Variants in RASGRF1 observed in about 807,000 individuals in gnomAD.
RASGRF1 encodes ras-specific guanine nucleotide-releasing factor 1.
A neutral mutation model predicts 138.7 loss-of-function variants in RASGRF1; 40 were observed. The observed-to-expected ratio is 0.29, with a 90% CI of 0.22 to 0.38. The LOEUF (loss-of-function observed/expected upper bound fraction) is 0.38. Ranked by LOEUF, RASGRF1 falls within the 10% of genes least tolerant of loss-of-function variation. The pLI is 1.00. For synonymous variants in RASGRF1, 614 were observed against 663.2 expected, an observed-to-expected ratio of 0.93 and a Z score of 1.14; for missense variants, 1,108 against 1,650.4, an observed-to-expected ratio of 0.67 and a Z score of 5.69.
chr15:78,998,327 G>A lies in RASGRF1; in HGVS notation c.2854-119C>T, dbSNP rs1371082732. The A allele has an allele frequency of 4.8e-6, 4 of 833,128 alleles. No individual in the cohort carries two copies. In the Admixed American group the frequency reaches 7.2e-5, roughly 15 times the overall value. 51.6% of individuals were successfully genotyped at this position (833,128 alleles called of 1,614,324 possible). ...TATTCTGCCCAGGGCAGGCTGACCT[G>A]CCTCATTTCCTTTCTGTTGGCTTCC... On this transcript the variant is annotated intron_variant, in intron 18 of 26. Coordinates refer to ENST00000558480, the MANE Select transcript of RASGRF1 (RefSeq NM_001145648.3).
Position 79,003,738 on chromosome 15 carries a change from G to A in RASGRF1, c.2449+64C>T, listed in dbSNP as rs8029264. On this transcript the variant is annotated intron_variant, in intron 15 of 26. Transcript: ENST00000558480. Reference sequence around the variant, plus strand: ...GAAGAGCAGCCCTGAGGCCTTGCTGGGCCAGGCTGAGCCTCAGTGGGGCTG... The same window carrying A: ...GAAGAGCAGCCCTGAGGCCTTGCTGAGCCAGGCTGAGCCTCAGTGGGGCTG... 5,818 of 1,523,376 alleles carry A rather than the reference G, an allele frequency of 3.8e-3. 150 individuals are homozygous for A. In the African/African-American group the frequency reaches 0.061, roughly 16 times the overall value. 94.4% of individuals were successfully genotyped at this position (1,523,376 alleles called of 1,614,324 possible). A position where few individuals can be genotyped will look rare whatever the true frequency, so the allele number is the denominator to read the frequency against.
In RASGRF1 at chr15:79,005,573, G is replaced by A. The variant is rs778036538; in HGVS notation, c.2075+613C>T. 6 of 986,268 alleles carry A rather than the reference G, an allele frequency of 6.1e-6. No individual in the cohort carries two copies. The South Asian group carries it at 1.9e-4, about 31-fold the overall frequency. 61.1% of individuals were successfully genotyped at this position (986,268 alleles called of 1,614,324 possible). ...CCTACTGCTGGACAGCCTTGGCCAAGTCCTTCATTGCCCCATGACTTTTGA... is the reference window on the plus strand; with the variant it reads ...CCTACTGCTGGACAGCCTTGGCCAAATCCTTCATTGCCCCATGACTTTTGA... On this transcript the variant is annotated intron_variant, in intron 14 of 26. Transcript: ENST00000558480.
In RASGRF1 at chr15:79,058,456, C is replaced by T. The variant is rs150686548; in HGVS notation, c.409G>A (p.Glu137Lys). 1 of 1,614,206 alleles carries T rather than the reference C, an allele frequency of 6.2e-7. No homozygotes were observed. Among genetic ancestry groups the T allele is most frequent in the Non-Finnish European group, 8.5e-7 (1 of 1,180,030 alleles). Residue 137 changes from glutamate (E) to lysine (K), a missense_variant, in exon 3 of 27, where the codon GAG becomes AAG. By Grantham distance (56) the Glu-to-Lys change is moderately conservative. Transcript: ENST00000558480. ...ASYRTLATEH[E>K]ALMQKYLHLL... ...TGCAGGTATTTCTGCATTAATGCCT[C>T]ATGCTCTGTGGCGAGGGTCCTGTAG...
intron 26 of RASGRF1, among the ~76,000 whole-genome samples, chr15:78,967,241 TCAAA>T (rs1030127222): frequency 1.3e-5 from 2 of 151,952 alleles, no homozygotes; most frequent in Non-Finnish European, 2.9e-5. Context: ...AGACCCTGCC[TCAAA>T]CAAACAAACA....
intron 26 of RASGRF1, among the ~76,000 whole-genome samples, chr15:78,971,000 C>G (rs981603518): frequency 8.5e-5 from 13 of 152,148 alleles, no homozygotes; most frequent in Admixed American, 5.9e-4. Flanking sequence ...AGGCCTGATG[C>G]TACTCTCTGC....
chr15:79,016,500 C>A (rs1475590754), intron 12 of RASGRF1, among the ~76,000 whole-genome samples: 1 of 152,228 alleles, frequency 6.6e-6, no homozygotes, highest in African/African-American at 2.4e-5. Context: ...GGACTCCCAC[C>A]TTGACCCCTT....
chr15:78,964,031 C>A (rs1174646866), intron 26 of RASGRF1, among the ~76,000 whole-genome samples: 2 of 152,060 alleles, frequency 1.3e-5, no homozygotes, highest in African/African-American at 4.8e-5. Flanking sequence ...GTCATGTTGG[C>A]CAGGCTGGTG....
intron 24 of RASGRF1, among the ~76,000 whole-genome samples, chr15:78,974,524 G>A (rs557080441): frequency 1.3e-5 from 2 of 152,188 alleles, no homozygotes; most frequent in Non-Finnish European, 2.9e-5. Context: ...CATGTATAAA[G>A]CAATGATAGC....
Position 79,032,903 on chromosome 15 carries a change from C to A in RASGRF1, c.959-587G>T, listed in dbSNP as rs1433706848. ...CCCCAAGAGGCCACCCTCCCTCCTG[C>A]AGTCTCCGTCCTGAGACAGAAGTGG... On this transcript the variant is annotated intron_variant, in intron 6 of 26. Transcript: ENST00000558480. The surrounding 1 kb of genome is among the most constrained non-coding windows in gnomAD (Gnocchi z 4.5). 6.6e-6 allele frequency among the ~76,000 whole-genome samples: 1 copy of A among 152,198 alleles called. No homozygotes were observed. Among genetic ancestry groups the A allele is most frequent in the African/African-American group, 2.4e-5 (1 of 41,446 alleles).
chr15:78,990,074 G>T, intron 22 of RASGRF1, 115 bp downstream of exon 22: 1 of 879,932 alleles, frequency 1.1e-6, no homozygotes, highest in South Asian at 1.3e-5. Context: ...GGCAGGGCTG[G>T]AGAGGACCCA....
intron 24 of RASGRF1, chr15:78,979,018 G>C: frequency 2.3e-6 from 3 of 1,293,878 alleles, no homozygotes; most frequent in Non-Finnish European, 3.0e-6. Flanking sequence ...AGGCAGCGGT[G>C]GTGGCGGCGG....
intron 23 of RASGRF1, among the ~76,000 whole-genome samples, chr15:78,982,098 T>C (rs1391250056): frequency 6.6e-6 from 1 of 152,204 alleles, no homozygotes; most frequent in Non-Finnish European, 1.5e-5. Flanking sequence ...TCACCACTCC[T>C]CTTGCCTTTA....
chr15:78,980,108 G>A (rs28651192), intron 24 of RASGRF1: 2,359 of 152,632 alleles, frequency 0.015, 27 homozygotes, highest in Middle Eastern at 0.024. Context: ...ATGGCGTTAA[G>A]CGCACAATGT....
At chr15:79,003,619 C>T (rs1012568204) in intron 15 of RASGRF1, among the ~76,000 whole-genome samples, 183 bp downstream of exon 15, 3 of 152,264 alleles carry the variant, frequency 2.0e-5, no homozygotes, top group East Asian at 3.8e-4. Flanking sequence ...CTCCCACATA[C>T]GGCTACCTCT....
At position 79,017,692 on chromosome 15, in the gene RASGRF1, A is replaced by G. The variant is rs1005783204; in HGVS notation, c.1743+78T>C. 6.8e-6 allele frequency: 10 copies of G among 1,469,902 alleles called. No individual in the cohort carries two copies. In the African/African-American group the frequency reaches 1.4e-4, roughly 21 times the overall value. The allele number at this position is 1,469,902 out of a possible 1,614,324, so 91.1% of individuals were successfully genotyped here. On this transcript the variant is annotated intron_variant, in intron 12 of 26. Transcript: ENST00000558480. ...AGCTACTCCACCACCCCCACCCCCT[A>G]CCTGCCACCAGCCAAATCCCTGACC...
chr15:79,050,633 A>T lies in RASGRF1; in HGVS notation c.532-1045T>A, dbSNP rs1239452925. Among the ~76,000 whole-genome samples, 1 of 152,200 alleles carries T rather than the reference A, an allele frequency of 6.6e-6. No individual in the cohort carries two copies. Among genetic ancestry groups the T allele is most frequent in the Non-Finnish European group, 1.5e-5 (1 of 68,026 alleles). ...AGCTGCTCTAAACATCTCCATTTGCATAATTTGGGGATCACAGATGTCGAC... is the reference window on the plus strand; with the variant it reads ...AGCTGCTCTAAACATCTCCATTTGCTTAATTTGGGGATCACAGATGTCGAC... On this transcript the variant is annotated intron_variant, in intron 3 of 26. Transcript: ENST00000558480. The surrounding 1 kb of genome is among the most constrained non-coding windows in gnomAD (Gnocchi z 4.1).
In RASGRF1 at chr15:78,959,988, A is replaced by T. The variant is rs981806884; in HGVS notation, c.*2156T>A. ...ATTTAATTCTACTCTGTAATGAGATACCATTTTCATCCCCATTTTTCAGAT... is the reference window on the plus strand; with the variant it reads ...ATTTAATTCTACTCTGTAATGAGATTCCATTTTCATCCCCATTTTTCAGAT... On this transcript the variant is annotated 3_prime_UTR_variant, in exon 27 of 27. Coordinates refer to ENST00000558480, the MANE Select transcript of RASGRF1 (RefSeq NM_001145648.3). The T allele has an allele frequency of 6.6e-5, 10 of 152,210 alleles. No individual in the cohort carries two copies. The highest frequency in any genetic ancestry group is 2.2e-4 in the African/African-American group (9 of 41,446). The allele number at this position is 152,210 out of a possible 1,614,324, so 9.4% of individuals were successfully genotyped here.
In RASGRF1 at chr15:78,985,138, C is replaced by G; in HGVS notation, c.3283G>C (p.Glu1095Gln). 6.2e-7 allele frequency: 1 copy of G among 1,613,390 alleles called. No homozygotes were observed. The highest frequency in any genetic ancestry group is 8.5e-7 in the Non-Finnish European group (1 of 1,179,300). Residue 1095 changes from glutamate (E) to glutamine (Q), a missense_variant, in exon 23 of 27, where the codon GAG (glutamate) becomes CAG (glutamine). Physicochemically the swap from Glu to Gln is conservative, Grantham distance 29. This residue lies in a region of RASGRF1 where 686 missense variants were observed against 976.7 expected (regional missense o/e 0.70). Transcript: ENST00000558480. ...EDINARVSAI[E>Q]KWVAVADICR... ...ATGTCAGCTACGGCCACCCACTTCT[C>G]GATGGCGCTCACCCTGGCGTTGATG...
At chr15:79,088,980 G>A (rs2058017639) in intron 1 of RASGRF1, among the ~76,000 whole-genome samples, 1 of 152,244 alleles carries the variant, frequency 6.6e-6, no homozygotes, top group African/African-American at 2.4e-5. Context: ...AGGGAAGGAA[G>A]AGATGTGCTA....
Sources: allele counts gnomAD v4.1 joint callset (sites outside exome capture counted in the v4.1 genomes callset), GRCh38; gene constraint gnomAD v4.1.1; regional missense constraint gnomAD v4.1.1; non-coding constraint Gnocchi (gnomAD v3.1); transcripts MANE v1.5; gene names NCBI Gene and HGNC (gene_info 2026-07-23, HGNC 2026-07-21).